Variants in INPP5D observed in about 807,000 individuals in gnomAD.
INPP5D encodes the protein phosphatidylinositol 3,4,5-trisphosphate 5-phosphatase 1.
A neutral mutation model predicts 122.9 loss-of-function variants in INPP5D; 33 were observed. The ratio of observed to expected loss-of-function variants is 0.27; its 90% CI spans 0.20 to 0.36. The LOEUF is 0.36. INPP5D is among the 10% of genes least tolerant of loss of function. INPP5D has a pLI of 1.00. For missense variants in INPP5D, 1,053 were observed against 1,412.7 expected (o/e 0.75, Z 4.08); for synonymous variants, 584 against 576.2 (o/e 1.01, Z -0.19).
intron 17 of INPP5D, among the ~76,000 whole-genome samples, chr2:233,172,159 T>G (rs1195053270): frequency 6.6e-6 from 1 of 152,190 alleles, no homozygotes; most frequent in African/African-American, 2.4e-5. Flanking sequence ...GCCTGCTGTG[T>G]GGATAAGGTC....
chr2:233,075,628 C>T (rs1371166036), intron 1 of INPP5D, among the ~76,000 whole-genome samples: 1 of 151,724 alleles, frequency 6.6e-6, no homozygotes, highest in East Asian at 1.9e-4. Flanking sequence ...TATATAGGAC[C>T]AGAGTGAAGT....
chr2:233,081,290 A>G (rs2106211595), intron 2 of INPP5D, among the ~76,000 whole-genome samples: 1 of 152,144 alleles, frequency 6.6e-6, no homozygotes, highest in Admixed American at 6.5e-5. Context: ...ATTTTTTTCA[A>G]GTCTAGGAGG....
intron 20 of INPP5D, 106 bp from the exon 21 acceptor site, chr2:233,185,737 A>ATG: frequency 1.1e-6 from 1 of 951,184 alleles, no homozygotes; most frequent in Non-Finnish European, 1.3e-6. Flanking sequence ...AAAAAAAAAA[A>ATG]GGAGAGAGCA....
intron 6 of INPP5D, chr2:233,145,252 C>T (rs1279207348): frequency 4.4e-6 from 2 of 456,208 alleles, no homozygotes; most frequent in Non-Finnish European, 8.8e-6. Context: ...ACATGTCTTC[C>T]TCTGCCATTT....
chr2:233,060,934 G>A (rs1234297654), intron 1 of INPP5D, among the ~76,000 whole-genome samples: 1 of 152,174 alleles, frequency 6.6e-6, no homozygotes, highest in South Asian at 2.1e-4. Flanking sequence ...AGGAAGCTCA[G>A]GGCTCTGTGG....
chr2:233,074,930 A>G (rs1183013589), intron 1 of INPP5D, among the ~76,000 whole-genome samples: 1 of 152,222 alleles, frequency 6.6e-6, no homozygotes, highest in Non-Finnish European at 1.5e-5. Flanking sequence ...GAATGGCCAC[A>G]CAGAAATGCT....
chr2:233,121,301 T>C (rs1375467382), intron 2 of INPP5D, among the ~76,000 whole-genome samples: 2 of 151,454 alleles, frequency 1.3e-5, no homozygotes, highest in African/African-American at 4.9e-5. Flanking sequence ...TTGGCTAATT[T>C]TTGTGTTTTT....
At chr2:233,150,370 T>G (rs1430256999) in intron 9 of INPP5D, among the ~76,000 whole-genome samples, 2 of 152,218 alleles carry the variant, frequency 1.3e-5, no homozygotes, top group Non-Finnish European at 1.5e-5. Context: ...TGCTCCTCCT[T>G]TGCTTCTGCT....
chr2:233,083,340 C>A (rs922940809), intron 2 of INPP5D, among the ~76,000 whole-genome samples: 3 of 152,186 alleles, frequency 2.0e-5, no homozygotes, highest in African/African-American at 7.2e-5. Context: ...GCTCTTTGGG[C>A]TATGGGCTTC....
intron 17 of INPP5D, among the ~76,000 whole-genome samples, chr2:233,176,962 G>T (rs1053390606): frequency 6.6e-6 from 1 of 152,046 alleles, no homozygotes; most frequent in Non-Finnish European, 1.5e-5. Context: ...ACAGGTGGGG[G>T]TTCATCTGAG....
chr2:233,068,361 G>A (rs537887438), intron 1 of INPP5D, among the ~76,000 whole-genome samples: 11 of 151,642 alleles, frequency 7.3e-5, no homozygotes, highest in Admixed American at 6.6e-4. Flanking sequence ...TTGGGAGGCT[G>A]AGGCAAGAGG....
chr2:233,176,484 A>G (rs1226450874), intron 17 of INPP5D, among the ~76,000 whole-genome samples: 1 of 16 alleles, frequency 0.062, no homozygotes, highest in African/African-American at 0.17. Flanking sequence ...TAGGTGGGTG[A>G]ATGGGTGAAT....
rs1694659346 is a variant in INPP5D, at chr2:233,177,120, T to G, written c.1990-145T>G. ...GGACTTGAGCCATGTGAAAAAAGTT[T>G]AAAGCCACCTACAGGGAAATTCTAT... On this transcript the variant is annotated intron_variant, in intron 17 of 26. Coordinates refer to ENST00000445964, the MANE Select transcript of INPP5D (RefSeq NM_001017915.3). This position sits in a 1 kb window ranked among gnomAD's most constrained non-coding sequence, Gnocchi z 4.2. The G allele has an allele frequency of 9.1e-7, 1 of 1,104,216 alleles. No homozygotes were observed. The highest frequency in any genetic ancestry group is 1.3e-6 in the Non-Finnish European group (1 of 787,322). 68.4% of individuals were successfully genotyped at this position (1,104,216 alleles called of 1,614,324 possible).
At chr2:233,169,959 A>AGGGGGAC in intron 14 of INPP5D, 67 bp from the exon 15 acceptor site, 1 of 1,606,908 alleles carries the variant, frequency 6.2e-7, no homozygotes, top group Non-Finnish European at 8.5e-7. Context: ...GGCAGGAGTG[A>AGGGGGAC]CTTCCTGCCA....
chr2:233,085,949 C>A (rs372482185), intron 2 of INPP5D, among the ~76,000 whole-genome samples: 1 of 152,154 alleles, frequency 6.6e-6, no homozygotes, highest in African/African-American at 2.4e-5. Context: ...TGTTTCCTGT[C>A]TTTGTTACCC....
intron 24 of INPP5D, among the ~76,000 whole-genome samples, chr2:233,196,375 C>A (rs1349012957): frequency 1.3e-5 from 2 of 152,206 alleles, no homozygotes; most frequent in Non-Finnish European, 2.9e-5. Context: ...GTGATGTGTC[C>A]AGTTCTAGAG....
chr2:233,135,274 C>T (rs563732054), intron 5 of INPP5D, among the ~76,000 whole-genome samples: 16 of 151,322 alleles, frequency 1.1e-4, no homozygotes, highest in African/African-American at 3.9e-4. Flanking sequence ...ATAGCTTATC[C>T]ATCCTTGAAC....
rs760783445 is a variant in INPP5D, at chr2:233,206,746, G to A, written c.*38G>A. Reference sequence around the variant, plus strand: ...GCTGCCACTGAGTCGGGAGCCCAGAGGAACGGCGTGAAGCCACTGGACCCT... The same window carrying A: ...GCTGCCACTGAGTCGGGAGCCCAGAAGAACGGCGTGAAGCCACTGGACCCT... On this transcript the variant is annotated 3_prime_UTR_variant, in exon 27 of 27. Coordinates refer to ENST00000445964, the MANE Select transcript of INPP5D (RefSeq NM_001017915.3). The surrounding 1 kb of genome is among the most constrained non-coding windows in gnomAD (Gnocchi z 4.0). 1 of 760,446 alleles carries A rather than the reference G, an allele frequency of 1.3e-6. No homozygotes were observed. The highest frequency in any genetic ancestry group is 1.4e-5 in the South Asian group (1 of 71,180). 47.1% of individuals were successfully genotyped at this position (760,446 alleles called of 1,614,324 possible). A position where few individuals can be genotyped will look rare whatever the true frequency, so the allele number is the denominator to read the frequency against.
intron 1 of INPP5D, among the ~76,000 whole-genome samples, chr2:233,077,196 A>C (rs756818167): frequency 7.9e-5 from 12 of 152,250 alleles, no homozygotes; most frequent in Non-Finnish European, 1.5e-4. Flanking sequence ...CTAAAAAGAT[A>C]TGCATATATA....
Sources: gnomAD v4.1 joint callset for allele counts (sites outside exome capture counted in the v4.1 genomes callset) on GRCh38, gnomAD v4.1.1 for gene constraint, Gnocchi (gnomAD v3.1) non-coding constraint, MANE v1.5 for transcripts, NCBI Gene and HGNC (gene_info 2026-07-23, HGNC 2026-07-21) for gene names.